ERICH1: variants seen among roughly 807,000 people sequenced by gnomAD.
The protein encoded by ERICH1 is glutamate rich 1.
In ERICH1, 56 loss-of-function variants were observed where a neutral mutation model predicts 39.6. The ratio of observed to expected loss-of-function variants is 1.41; its 90% CI spans 1.14 to 1.77. The LOEUF is 1.77. Among genes scored for constraint, ERICH1 ranks in the 40% most tolerant of loss-of-function variants. ERICH1 has a pLI of 0.00. For missense variants in ERICH1, 826 were observed against 575.4 expected (o/e 1.44, Z -4.45); for synonymous variants, 313 against 223.6 (o/e 1.40, Z -3.57).
chr8:681,065 A>T (rs1047647508), intron 3 of ERICH1, among the ~76,000 whole-genome samples: 2 of 152,218 alleles, frequency 1.3e-5, no homozygotes, highest in Non-Finnish European at 2.9e-5. Flanking sequence ...AAGCCACTAA[A>T]AAACACCGTA....
At chr8:684,083 T>C (rs1806764716) in intron 3 of ERICH1, among the ~76,000 whole-genome samples, 1 of 152,246 alleles carries the variant, frequency 6.6e-6, no homozygotes, top group African/African-American at 2.4e-5. Flanking sequence ...GCTTGATAGA[T>C]ACTTTTAAAA....
rs1563224981 is a variant in ERICH1 at position 673,457 on chromosome 8, C to G, written c.895G>C (p.Ala299Pro). Reference sequence around the variant, plus strand: ...GTCGGGTCTTCCTCGCTGGCGTCCGCACCGTCCTCCTCCCTGGTGTCTTTA... The same window carrying G: ...GTCGGGTCTTCCTCGCTGGCGTCCGGACCGTCCTCCTCCCTGGTGTCTTTA... ...DGKDTREEDG[A>P]DASEEDPTWA... is the part of the protein sequence containing the mutation. The change falls in exon 4 of 6, where the codon GCG becomes CCG. Residue 299 changes from alanine (A) to proline (P), a missense_variant. Physicochemically the swap from Ala to Pro is conservative, Grantham distance 27. Coordinates refer to ENST00000262109, the MANE Select transcript of ERICH1 (RefSeq NM_207332.3). The G allele has an allele frequency of 2.5e-6, 4 of 1,613,968 alleles. 1 individual carries two copies. The South Asian group carries it at 3.3e-5, about 13-fold the overall frequency.
intron 1 of ERICH1, among the ~76,000 whole-genome samples, chr8:726,666 C>A (rs1314016416): frequency 2.0e-5 from 3 of 150,616 alleles, no homozygotes; most frequent in Non-Finnish European, 4.4e-5. Flanking sequence ...GTGCCACACA[C>A]AGACGTGTAC....
Position 664,779 on chromosome 8 carries a change from C to G in ERICH1, c.1259-103G>C, listed in dbSNP as rs192137730. On this transcript the variant is annotated intron_variant, in intron 5 of 5. Coordinates refer to ENST00000262109, the MANE Select transcript of ERICH1 (RefSeq NM_207332.3). ...GAGCCTTTGGGCCCAAAGTGAACTC[C>G]CAAATAATCTAATAAAATGCAACTT... The G allele has an allele frequency of 2.6e-3, 2,245 of 854,516 alleles. 13 individuals are homozygous for G. Among genetic ancestry groups the G allele is most frequent in the Non-Finnish European group, 1.9e-3 (1,066 of 561,598 alleles). 52.9% of individuals were successfully genotyped at this position (854,516 alleles called of 1,614,324 possible).
At chr8:626,712 C>G (rs1797612204) in intron 3 of ERICH1, 1 of 173,584 alleles carries the variant, frequency 5.8e-6, no homozygotes, top group Admixed American at 5.4e-5. Context: ...CAGCTGGCGT[C>G]TGTCTCTCAT....
rs59196257 is a variant in ERICH1, at chr8:715,819, C to T, written c.169+42G>A. 9,994 of 1,578,486 alleles carry T rather than the reference C, an allele frequency of 6.3e-3. 581 individuals are homozygous for T. In the African/African-American group the frequency reaches 0.12, roughly 19 times the overall value. ...GGCAAGTGATGATGACGGAGGTTAA[C>T]TTCAGTTTCTGAGACCCACCCACAT... On this transcript the variant is annotated intron_variant, in intron 2 of 5. Transcript: ENST00000262109.
intron 2 of ERICH1, among the ~76,000 whole-genome samples, chr8:697,068 C>G (rs1353081623): frequency 6.6e-6 from 1 of 152,230 alleles, no homozygotes; most frequent in Admixed American, 6.5e-5. Flanking sequence ...CAGGAGGCAG[C>G]TGGCCTTACC....
intron 3 of ERICH1, among the ~76,000 whole-genome samples, chr8:678,899 G>A (rs1303561013): frequency 1.3e-5 from 2 of 152,078 alleles, no homozygotes; most frequent in Admixed American, 6.6e-5. Flanking sequence ...CGTCCCTCAC[G>A]GCTCTGGGCC....
chr8:616,707 GAGAT>G, intron 3 of ERICH1: 1 of 433,698 alleles, frequency 2.3e-6, no homozygotes, highest in Non-Finnish European at 4.6e-6. Context: ...GACAGGGAGA[GAGAT>G]AGAGACACTC....
intron 2 of ERICH1, among the ~76,000 whole-genome samples, chr8:704,648 CG>C (rs949763593): frequency 2.0e-5 from 3 of 151,464 alleles, no homozygotes; most frequent in Non-Finnish European, 4.4e-5. Context: ...ATTGGAAGGA[CG>C]GGGGTTGTAA....
At chr8:729,350 CAG>C (rs1429165531) in intron 1 of ERICH1, among the ~76,000 whole-genome samples, 1 of 152,222 alleles carries the variant, frequency 6.6e-6, no homozygotes, top group African/African-American at 2.4e-5. Flanking sequence ...CTTGGGAAAA[CAG>C]ACATCCCTGC....
At chr8:625,773 T>C (rs953388417) in intron 3 of ERICH1, 13 of 152,320 alleles carry the variant, frequency 8.5e-5, no homozygotes, top group South Asian at 8.3e-4. Flanking sequence ...AAGTGTTCCG[T>C]CGTTGACTTG....
Position 700,381 on chromosome 8 carries a change from G to A in ERICH1, c.170-7769C>T, listed in dbSNP as rs572474114. 5.0e-4 allele frequency among the ~76,000 whole-genome samples: 26 copies of A among 52,202 alleles called. 1 individual carries two copies. The highest frequency in any genetic ancestry group is 8.3e-4 in the African/African-American group (14 of 16,966). 34.2% of individuals were successfully genotyped at this position (52,202 alleles called of 152,430 possible). ...CGCACAGGCCCGCACAGGCGCACAG[G>A]CCCGCACACGCGCACAGGCCCGCAC... On this transcript the variant is annotated intron_variant, in intron 2 of 5. Coordinates refer to ENST00000262109, the MANE Select transcript of ERICH1 (RefSeq NM_207332.3).
At position 717,919 on chromosome 8, in the gene ERICH1, C is replaced by T. The variant is rs528342710; in HGVS notation, c.23-1912G>A. ...GGGCAGGCCCTGACTAAACAGCCAC[C>T]GCCAGGAGACGCTGGGCCCAAGCAA... On this transcript the variant is annotated intron_variant, in intron 1 of 5. Coordinates refer to ENST00000262109, the MANE Select transcript of ERICH1 (RefSeq NM_207332.3). Among the ~76,000 whole-genome samples the T allele has an allele frequency of 5.9e-3, 897 of 152,334 alleles. 13 individuals carry two copies. Among genetic ancestry groups the T allele is most frequent in the African/African-American group, 0.02 (849 of 41,572 alleles).
chr8:675,173 G>A lies in ERICH1; in HGVS notation c.305-1126C>T, dbSNP rs527584439. On this transcript the variant is annotated intron_variant, in intron 3 of 5. Coordinates refer to ENST00000262109, the MANE Select transcript of ERICH1 (RefSeq NM_207332.3). ...CGGCCCCTCGTGAGGACAGAGACGC[G>A]GCGGCCCCTCGTGAGGACAGAGACG... Among the ~76,000 whole-genome samples, 161 of 68,098 alleles carry A rather than the reference G, an allele frequency of 2.4e-3. 23 individuals carry two copies. The highest frequency in any genetic ancestry group is 8.8e-3 in the African/African-American group (153 of 17,354). The allele number at this position is 68,098 out of a possible 152,430, so 44.7% of individuals were successfully genotyped here. A position where few individuals can be genotyped will look rare whatever the true frequency, so the allele number is the denominator to read the frequency against.
chr8:691,365 G>GGA (rs1808866778), intron 3 of ERICH1, among the ~76,000 whole-genome samples: 1 of 152,238 alleles, frequency 6.6e-6, no homozygotes, highest in Non-Finnish European at 1.5e-5. Flanking sequence ...GCCTGTCTGG[G>GGA]AAGCAGTGTT....
chr8:661,040 CT>C (rs1801356995), downstream of ERICH1, among the ~76,000 whole-genome samples: 1 of 152,178 alleles, frequency 6.6e-6, no homozygotes, highest in Non-Finnish European at 1.5e-5. Context: ...CCTAAGTAAC[CT>C]GGTAGGGAAC....
intron 3 of ERICH1, among the ~76,000 whole-genome samples, chr8:658,707 C>G (rs1297702109): frequency 6.6e-6 from 1 of 152,172 alleles, no homozygotes; most frequent in Non-Finnish European, 1.5e-5. Flanking sequence ...CCTAGAGATG[C>G]CCCTGGTACA....
intron 1 of ERICH1, among the ~76,000 whole-genome samples, chr8:723,609 G>A (rs10106060): frequency 0.27 from 40,347 of 152,150 alleles, 6,080 homozygotes; most frequent in Non-Finnish European, 0.34. Flanking sequence ...CTCTCTCAGT[G>A]AACAGCAGCT....
Sources: allele counts gnomAD v4.1 joint callset (sites outside exome capture counted in the v4.1 genomes callset), GRCh38; gene constraint gnomAD v4.1.1; transcripts MANE v1.5; gene names NCBI Gene and HGNC (gene_info 2026-07-23, HGNC 2026-07-21).